Variants in GALNT10 observed in about 807,000 individuals in gnomAD.
GALNT10 encodes the protein GalNAc transferase 10.
GALNT10 carries 41 observed loss-of-function variants against 75.0 expected under a neutral mutation model. The observed-to-expected ratio is 0.55, with a 90% CI of 0.43 to 0.71. The LOEUF (loss-of-function observed/expected upper bound fraction) is 0.71, where lower values mean the gene tolerates loss of function less well. GALNT10 is among the 30% of genes least tolerant of loss of function. The pLI is 0.00. For synonymous variants in GALNT10, 302 were observed against 313.0 expected, an observed-to-expected ratio of 0.96 and a Z score of 0.37; for missense variants, 727 against 818.5, an observed-to-expected ratio of 0.89 and a Z score of 1.36.
chr5:154,304,163 G>A lies in GALNT10; in HGVS notation c.401+6084G>A, dbSNP rs72808648. On this transcript the variant is annotated intron_variant, in intron 3 of 11. Transcript: ENST00000297107. ...TTGAAAAGAGGTTCAATTACCTGTG[G>A]GTCAAGTTTAAAAATTCTAATATTC... Among the ~76,000 whole-genome samples the A allele has an allele frequency of 4.0e-3, 613 of 152,220 alleles. 4 individuals are homozygous for A. Among genetic ancestry groups the A allele is most frequent in the African/African-American group, 8.3e-3 (343 of 41,526 alleles).
At chr5:154,278,218 G>C (rs947731739) in intron 1 of GALNT10, among the ~76,000 whole-genome samples, 2 of 151,038 alleles carry the variant, frequency 1.3e-5, no homozygotes, top group Non-Finnish European at 2.9e-5. Context: ...AAACTGGATT[G>C]CACACTGCCA....
At chr5:154,239,633 G>A (rs1214044830) in intron 1 of GALNT10, among the ~76,000 whole-genome samples, 2 of 152,196 alleles carry the variant, frequency 1.3e-5, no homozygotes, top group Non-Finnish European at 2.9e-5. Flanking sequence ...AAGATTGGGG[G>A]ACTGCTGGTA....
intron 3 of GALNT10, among the ~76,000 whole-genome samples, chr5:154,326,106 T>C (rs906175359): frequency 6.6e-6 from 1 of 152,082 alleles, no homozygotes; most frequent in African/African-American, 2.4e-5. Flanking sequence ...AATATACATT[T>C]ACTAGCCATT....
chr5:154,369,072 G>A (rs1755522599), intron 4 of GALNT10, among the ~76,000 whole-genome samples: 1 of 152,200 alleles, frequency 6.6e-6, no homozygotes, highest in African/African-American at 2.4e-5. Flanking sequence ...ACAAGAGAGT[G>A]GTCACTAAGA....
At chr5:154,331,778 G>T (rs1754868565) in intron 4 of GALNT10, among the ~76,000 whole-genome samples, 1 of 149,058 alleles carries the variant, frequency 6.7e-6, no homozygotes, top group Non-Finnish European at 1.5e-5. Context: ...AAAACACTGA[G>T]CAAACAGTCT....
At chr5:154,269,151 A>C (rs879553437) in intron 1 of GALNT10, among the ~76,000 whole-genome samples, 2 of 136,928 alleles carry the variant, frequency 1.5e-5, no homozygotes, top group Non-Finnish European at 3.3e-5. Flanking sequence ...ACACCCGGCT[A>C]ATTTTTTGTA....
intron 4 of GALNT10, among the ~76,000 whole-genome samples, chr5:154,355,181 G>A (rs1755268450): frequency 6.6e-6 from 1 of 152,056 alleles, no homozygotes; most frequent in Non-Finnish European, 1.5e-5. Context: ...CCAAGGTCAG[G>A]CCTGACATTG....
intron 4 of GALNT10, among the ~76,000 whole-genome samples, chr5:154,332,421 G>T (rs1754881195): frequency 6.6e-6 from 1 of 152,120 alleles, no homozygotes; most frequent in Non-Finnish European, 1.5e-5. Flanking sequence ...CCTGCCTTGG[G>T]ATCCTGTGCC....
rs568317883 is a variant in GALNT10, at chr5:154,216,195, T to C, written c.159+25170T>C. Among the ~76,000 whole-genome samples, 8 of 152,310 alleles carry C rather than the reference T, an allele frequency of 5.3e-5. No individual in the cohort carries two copies. In the South Asian group the frequency reaches 1.2e-3, roughly 24 times the overall value. ...GTCTCTGGAAGTTCACATGGATGCT[T>C]CAGTGTTTACATTGTTTCAAATTGT... is the stretch of plus-strand genomic sequence containing the variant. On this transcript the variant is annotated intron_variant, in intron 1 of 11. Coordinates refer to ENST00000297107, the MANE Select transcript of GALNT10 (RefSeq NM_198321.4).
intron 1 of GALNT10, among the ~76,000 whole-genome samples, chr5:154,215,172 T>A (rs551018223): frequency 6.6e-6 from 1 of 152,356 alleles, no homozygotes; most frequent in African/African-American, 2.4e-5. Context: ...AGAAGTCCTC[T>A]CTATAGTTGC....
At chr5:154,361,256 A>G (rs114966303) in intron 4 of GALNT10, among the ~76,000 whole-genome samples, 158 of 152,266 alleles carry the variant, frequency 1.0e-3, no homozygotes, top group African/African-American at 3.8e-3. Context: ...AGGAAAGCAC[A>G]GTAGTTAGGA....
At chr5:154,363,913 A>T (rs1755435590) in intron 4 of GALNT10, among the ~76,000 whole-genome samples, 1 of 152,198 alleles carries the variant, frequency 6.6e-6, no homozygotes, top group Non-Finnish European at 1.5e-5. Flanking sequence ...TAAAAGCAGC[A>T]AATGACAAGC....
At chr5:154,332,779 T>A (rs893876880) in intron 4 of GALNT10, among the ~76,000 whole-genome samples, 1 of 152,186 alleles carries the variant, frequency 6.6e-6, no homozygotes, top group Non-Finnish European at 1.5e-5. Flanking sequence ...TTGCAGTGAC[T>A]GGTGCTGGCC....
intron 1 of GALNT10, among the ~76,000 whole-genome samples, chr5:154,270,991 CAAAAAAA>C (rs5872366): frequency 1.3e-5 from 1 of 76,122 alleles, no homozygotes; most frequent in East Asian, 5.1e-4. Flanking sequence ...GATTCCATCT[CAAAAAAA>C]AAAAAAAAAA....
chr5:154,310,388 G>C (rs1032047126), intron 3 of GALNT10, among the ~76,000 whole-genome samples: 1 of 151,902 alleles, frequency 6.6e-6, no homozygotes, highest in African/African-American at 2.4e-5. Context: ...TGTAAGCTGG[G>C]AAAGGAAAAA....
At chr5:154,382,517 T>A (rs902356995) in intron 6 of GALNT10, among the ~76,000 whole-genome samples, 3 of 152,234 alleles carry the variant, frequency 2.0e-5, no homozygotes, top group African/African-American at 7.2e-5. Context: ...TGGCCTGTGT[T>A]GGCAAAGCAA....
At chr5:154,334,128 A>C (rs1754906449) in intron 4 of GALNT10, among the ~76,000 whole-genome samples, 1 of 152,240 alleles carries the variant, frequency 6.6e-6, no homozygotes, top group Admixed American at 6.5e-5. Context: ...AGGAGAAGGC[A>C]TTTTCCTCTG....
chr5:154,413,357 TC>T (rs2113225749), intron 10 of GALNT10, among the ~76,000 whole-genome samples: 1 of 152,322 alleles, frequency 6.6e-6, no homozygotes, highest in South Asian at 2.1e-4. Context: ...ACCTGGCCCT[TC>T]CTATATAGTA....
chr5:154,319,557 A>G (rs1754644851), intron 3 of GALNT10, among the ~76,000 whole-genome samples: 1 of 152,192 alleles, frequency 6.6e-6, no homozygotes, highest in Admixed American at 6.5e-5. Flanking sequence ...CCCTCATTTG[A>G]ATATGGTACA....
Sources: allele counts gnomAD v4.1 joint callset (sites outside exome capture counted in the v4.1 genomes callset), GRCh38; gene constraint gnomAD v4.1.1; transcripts MANE v1.5; gene names NCBI Gene and HGNC (gene_info 2026-07-23, HGNC 2026-07-21).